EYA4: variants seen among roughly 807,000 people sequenced by gnomAD.
EYA4 encodes the protein EYA transcriptional coactivator and phosphatase 4.
In EYA4, 31 loss-of-function variants were observed where a neutral mutation model predicts 87.9. That is an observed-to-expected ratio of 0.35 (90% CI 0.27 to 0.48). The LOEUF is 0.48. Among genes scored for constraint, EYA4 ranks in the 20% least tolerant of loss-of-function variants. The probability of loss-of-function intolerance (pLI) is 0.99; values close to 1 mark genes in which losing one functional copy is unlikely to be tolerated. For synonymous variants in EYA4, 263 were observed against 270.6 expected, an observed-to-expected ratio of 0.97 and a Z score of 0.28; for missense variants, 678 against 761.4, an observed-to-expected ratio of 0.89 and a Z score of 1.29.
chr6:133,373,264 T>C (rs1785417162), intron 2 of EYA4, among the ~76,000 whole-genome samples: 1 of 152,016 alleles, frequency 6.6e-6, no homozygotes, highest in Non-Finnish European at 1.5e-5. Context: ...TGGGGTCCTT[T>C]TGTGCTTGGC....
intron 1 of EYA4, among the ~76,000 whole-genome samples, chr6:133,263,409 C>T (rs191437930): frequency 3.5e-4 from 53 of 152,002 alleles, no homozygotes; most frequent in African/African-American, 1.1e-3. Flanking sequence ...TCCTCTTTCT[C>T]GGTCAGTTCT....
chr6:133,292,316 TAC>T (rs1352644632), intron 2 of EYA4, among the ~76,000 whole-genome samples: 2 of 152,252 alleles, frequency 1.3e-5, no homozygotes, highest in Non-Finnish European at 2.9e-5. Context: ...GAGTAAATTT[TAC>T]ACCAATTGCG....
chr6:133,436,089 C>T (rs1286308729), intron 3 of EYA4, among the ~76,000 whole-genome samples: 2 of 152,040 alleles, frequency 1.3e-5, no homozygotes, highest in Admixed American at 6.5e-5. Context: ...CGTGGTGGCA[C>T]GTGCCTATAA....
chr6:133,274,549 G>A (rs1777008079), intron 1 of EYA4, among the ~76,000 whole-genome samples, 167 bp from the exon 2 acceptor site: 3 of 152,136 alleles, frequency 2.0e-5, no homozygotes, highest in African/African-American at 7.2e-5. Flanking sequence ...CTATTTTCAA[G>A]ATCATTAATT....
At chr6:133,246,397 T>G (rs1774410727) in intron 1 of EYA4, among the ~76,000 whole-genome samples, 1 of 152,180 alleles carries the variant, frequency 6.6e-6, no homozygotes, top group South Asian at 2.1e-4. Flanking sequence ...TAACGTACTT[T>G]TGGACAGTAG....
intron 3 of EYA4, among the ~76,000 whole-genome samples, chr6:133,446,113 T>G (rs1360476121): frequency 6.6e-6 from 1 of 152,136 alleles, no homozygotes; most frequent in East Asian, 1.9e-4. Flanking sequence ...TTCTAGCTAC[T>G]GATTTCTTCC....
chr6:133,503,801 T>A (rs1392516616), intron 13 of EYA4, among the ~76,000 whole-genome samples: 2 of 152,174 alleles, frequency 1.3e-5, no homozygotes, highest in Non-Finnish European at 2.9e-5. Context: ...TTAGAGATTT[T>A]ATTTCAACAA....
intron 6 of EYA4, among the ~76,000 whole-genome samples, chr6:133,458,034 C>A (rs895474029): frequency 6.6e-6 from 1 of 152,088 alleles, no homozygotes; most frequent in African/African-American, 2.4e-5. Context: ...AATCTAAAAC[C>A]ATGTCCTTAT....
intron 2 of EYA4, among the ~76,000 whole-genome samples, chr6:133,348,270 T>G (rs1208006074): frequency 1.6e-5 from 2 of 123,524 alleles, no homozygotes; most frequent in Non-Finnish European, 1.7e-5. Flanking sequence ...AGTTTTTTTT[T>G]TTTTTTTTTT....
intron 2 of EYA4, among the ~76,000 whole-genome samples, chr6:133,299,947 C>CTATATA (rs558838503): frequency 3.3e-4 from 46 of 140,308 alleles, no homozygotes; most frequent in South Asian, 9.0e-4. Flanking sequence ...ATCTATCTAT[C>CTATATA]TATCTATCTA....
intron 10 of EYA4, among the ~76,000 whole-genome samples, chr6:133,468,229 A>G (rs1305044934): frequency 6.6e-6 from 1 of 152,038 alleles, no homozygotes; most frequent in African/African-American, 2.4e-5. Context: ...AGCTGATTCC[A>G]TCTCCTTCTT....
At chr6:133,504,154 A>G (rs556419602) in intron 13 of EYA4, among the ~76,000 whole-genome samples, 1 of 152,230 alleles carries the variant, frequency 6.6e-6, no homozygotes, top group South Asian at 2.1e-4. Context: ...CTGACCTCAA[A>G]TGGTCTGCCT....
intron 2 of EYA4, among the ~76,000 whole-genome samples, chr6:133,355,338 C>G (rs562286608): frequency 6.6e-6 from 1 of 152,070 alleles, no homozygotes; most frequent in Non-Finnish European, 1.5e-5. Flanking sequence ...TGGATGTATA[C>G]CCAAAGAAAT....
At chr6:133,361,465 A>ATACC (rs1784441989) in intron 2 of EYA4, among the ~76,000 whole-genome samples, 1 of 152,066 alleles carries the variant, frequency 6.6e-6, no homozygotes, top group African/African-American at 2.4e-5. Context: ...CTTTATTGGA[A>ATACC]GTAATAAGTC....
At chr6:133,272,360 C>T (rs1776766108) in intron 1 of EYA4, among the ~76,000 whole-genome samples, 1 of 152,216 alleles carries the variant, frequency 6.6e-6, no homozygotes, top group Admixed American at 6.5e-5. Context: ...GCCACTTCCT[C>T]ATGAACTTAC....
intron 3 of EYA4, among the ~76,000 whole-genome samples, chr6:133,437,534 A>G (rs1361502678): frequency 1.3e-5 from 2 of 152,208 alleles, no homozygotes; most frequent in African/African-American, 2.4e-5. Context: ...GATAATATAT[A>G]TATGAAAAAC....
At chr6:133,434,366 T>C (rs534580622) in intron 3 of EYA4, among the ~76,000 whole-genome samples, 2 of 152,240 alleles carry the variant, frequency 1.3e-5, no homozygotes, top group East Asian at 3.8e-4. Context: ...TTCTTGACAC[T>C]ACAAGTTTTC....
rs1431904155 is a variant in EYA4 at position 133,300,350 on chromosome 6, T to C, written c.33+25537T>C. On this transcript the variant is annotated intron_variant, in intron 2 of 19. Transcript: ENST00000355286. ...CACTGTAGTTTATTCCATGATTCTG[T>C]CATCATCTACTGTTAAATATTAATG... 3.3e-5 allele frequency among the ~76,000 whole-genome samples: 5 copies of C among 152,026 alleles called. No homozygotes were observed. In the East Asian group the frequency reaches 7.7e-4, roughly 23 times the overall value.
intron 7 of EYA4, 107 bp downstream of exon 7, chr6:133,461,287 T>G: frequency 3.5e-6 from 3 of 849,908 alleles, no homozygotes; most frequent in Non-Finnish European, 6.1e-6. Flanking sequence ...TAGATAAATA[T>G]CCTGTACAAA....
Sources: allele counts gnomAD v4.1 joint callset (sites outside exome capture counted in the v4.1 genomes callset), GRCh38; gene constraint gnomAD v4.1.1; transcripts MANE v1.5; gene names NCBI Gene and HGNC (gene_info 2026-07-23, HGNC 2026-07-21).